CRKL: variants seen among roughly 807,000 people sequenced by gnomAD.
The protein encoded by CRKL is crk-like protein.
A neutral mutation model predicts 23.0 loss-of-function variants in CRKL; 3 were observed. The ratio of observed to expected loss-of-function variants is 0.13; its 90% CI spans 0.06 to 0.34. The LOEUF is 0.34. Among genes scored for constraint, CRKL ranks in the 10% least tolerant of loss-of-function variants. The pLI is 1.00. For synonymous variants in CRKL, 188 were observed against 160.7 expected, an observed-to-expected ratio of 1.17 and a Z score of -1.28; for missense variants, 256 against 394.5, an observed-to-expected ratio of 0.65 and a Z score of 2.97.
chr22:20,940,569 T>A (rs1256991708), intron 2 of CRKL, among the ~76,000 whole-genome samples: 1 of 27,544 alleles, frequency 3.6e-5, no homozygotes, highest in African/African-American at 5.9e-5. Context: ...GGTGCTCCTT[T>A]TTTTTTTTTT....
At chr22:20,926,829 T>C (rs974800232) in intron 1 of CRKL, among the ~76,000 whole-genome samples, 1 of 151,956 alleles carries the variant, frequency 6.6e-6, no homozygotes, top group African/African-American at 2.4e-5. Context: ...TGGTGGTTAC[T>C]GGCTGGACAT....
chr22:20,944,015 A>C (rs1458182466), intron 2 of CRKL, among the ~76,000 whole-genome samples: 1 of 151,362 alleles, frequency 6.6e-6, no homozygotes, highest in Non-Finnish European at 1.5e-5. Context: ...TGTTTTGGCT[A>C]TTCAGGTTCC....
At chr22:20,932,135 G>C (rs886228123) in intron 1 of CRKL, among the ~76,000 whole-genome samples, 1 of 152,096 alleles carries the variant, frequency 6.6e-6, no homozygotes, top group Non-Finnish European at 1.5e-5. Context: ...TTTTGAGACA[G>C]TCTTGTTCTG....
chr22:20,949,563 C>A, intron 2 of CRKL, 148 bp from the exon 3 acceptor site: 1 of 1,084,878 alleles, frequency 9.2e-7, no homozygotes, highest in Non-Finnish European at 1.3e-6. Context: ...GATCTCACCA[C>A]TACACTCCAG....
At chr22:20,929,191 G>C (rs1204772839) in intron 1 of CRKL, among the ~76,000 whole-genome samples, 1 of 152,066 alleles carries the variant, frequency 6.6e-6, no homozygotes, top group Non-Finnish European at 1.5e-5. Context: ...TTGAGTCGGA[G>C]TCTCACTCTG....
In CRKL at chr22:20,919,226, A is replaced by C. The variant is rs1257754185; in HGVS notation, c.311+981A>C. ...CTTTTATAGTACGTTAATTACAAAG[A>C]TAAGAGAAGGTGCATTGGCTTCAGC... On this transcript the variant is annotated intron_variant, in intron 1 of 2. Coordinates refer to ENST00000354336, the MANE Select transcript of CRKL (RefSeq NM_005207.4). Among the ~76,000 whole-genome samples the C allele has an allele frequency of 6.6e-5, 10 of 152,192 alleles. No homozygotes were observed. The East Asian group carries it at 1.9e-3, about 29-fold the overall frequency.
intron 1 of CRKL, among the ~76,000 whole-genome samples, chr22:20,919,841 G>GA (rs923092395): frequency 2.2e-4 from 32 of 145,826 alleles, no homozygotes; most frequent in South Asian, 4.3e-4. Context: ...GATAGAGATA[G>GA]AAAAAAAAAA....
intron 2 of CRKL, among the ~76,000 whole-genome samples, chr22:20,936,711 C>A (rs1280634814): frequency 3.3e-5 from 5 of 151,978 alleles, no homozygotes; most frequent in Non-Finnish European, 7.4e-5. Context: ...AGGTTTGTTT[C>A]AATGTTTGAT....
At chr22:20,931,216 G>A (rs536641630) in intron 1 of CRKL, among the ~76,000 whole-genome samples, 49 of 152,242 alleles carry the variant, frequency 3.2e-4, no homozygotes, top group African/African-American at 1.2e-3. Context: ...GACAAGCCCT[G>A]AAAACATAGT....
intron 1 of CRKL, among the ~76,000 whole-genome samples, chr22:20,918,727 G>T (rs929167968): frequency 1.3e-5 from 2 of 151,940 alleles, no homozygotes; most frequent in African/African-American, 4.8e-5. Flanking sequence ...GAGTAGCTGG[G>T]ACTACTGGCT....
chr22:20,945,250 C>T (rs1922017518), intron 2 of CRKL, among the ~76,000 whole-genome samples: 1 of 152,120 alleles, frequency 6.6e-6, no homozygotes, highest in South Asian at 2.1e-4. Flanking sequence ...GCCTCGGCCT[C>T]CCAAAGTGCT....
In CRKL at chr22:20,917,455, G is replaced by A. The variant is rs984954472; in HGVS notation, c.-480G>A. 7.8e-5 allele frequency: 18 copies of A among 229,674 alleles called. No individual in the cohort carries two copies. Among genetic ancestry groups the A allele is most frequent in the Admixed American group, 2.3e-4 (4 of 17,636 alleles). The allele number at this position is 229,674 out of a possible 1,614,324, so 14.2% of individuals were successfully genotyped here. ...GGGGGAGGTGGCTGCCGCTTCTCCC[G>A]CGTCCGCCATTTTGTTGCTGTGGCT... is the stretch of plus-strand genomic sequence containing the variant. On this transcript the variant is annotated 5_prime_UTR_variant, in exon 1 of 3. Coordinates refer to ENST00000354336, the MANE Select transcript of CRKL (RefSeq NM_005207.4).
rs373772260 is a variant in CRKL at position 20,921,874 on chromosome 22, AATTTTTTGT to A, written c.311+3636_311+3644del. Among the ~76,000 whole-genome samples the A allele has an allele frequency of 2.8e-3, 416 of 151,248 alleles. 1 individual carries two copies. The highest frequency in any genetic ancestry group is 9.5e-3 in the African/African-American group (390 of 41,174). On this transcript the variant is annotated intron_variant, in intron 1 of 2. Transcript: ENST00000354336. ...CAGGCGCCTGCAACCATGCCGGGCAAATTTTTTGTATTTTTAGTGGAGACGGGGTTTCAC... is the reference window on the plus strand; with the variant it reads ...CAGGCGCCTGCAACCATGCCGGGCAAATTTTTAGTGGAGACGGGGTTTCAC...
chr22:20,939,376 G>A (rs1297161947), intron 2 of CRKL, among the ~76,000 whole-genome samples: 1 of 150,698 alleles, frequency 6.6e-6, no homozygotes, highest in African/African-American at 2.4e-5. Context: ...GAGTAGCTGG[G>A]ACTACAGGCA....
chr22:20,940,391 T>A (rs971002574), intron 2 of CRKL, among the ~76,000 whole-genome samples: 4 of 152,118 alleles, frequency 2.6e-5, no homozygotes, highest in Non-Finnish European at 4.4e-5. Flanking sequence ...CTGTTTTACA[T>A]TTTATGGAAT....
chr22:20,924,452 A>G (rs1240263208), intron 1 of CRKL, among the ~76,000 whole-genome samples: 1 of 152,222 alleles, frequency 6.6e-6, no homozygotes, highest in Non-Finnish European at 1.5e-5. Context: ...TGGAATGGGG[A>G]AAGGATTGCC....
intron 1 of CRKL, among the ~76,000 whole-genome samples, chr22:20,921,645 A>G (rs930980640): frequency 1.3e-5 from 2 of 152,086 alleles, no homozygotes; most frequent in Admixed American, 1.3e-4. Context: ...TTTAGGGAAA[A>G]GCTTATGTAG....
rs183233657 is a variant in CRKL at position 20,946,715 on chromosome 22, C to G, written c.778-2996C>G. 4.0e-5 allele frequency among the ~76,000 whole-genome samples: 3 copies of G among 74,518 alleles called. No individual in the cohort carries two copies. The East Asian group carries it at 1.9e-3, about 47-fold the overall frequency. 48.9% of individuals were successfully genotyped at this position (74,518 alleles called of 152,430 possible). ...AGTTTCTCTGAAGGTGTAGAGCACC[C>G]CTCCCTCCAAAAAAAAAAAACAGAT... is the stretch of plus-strand genomic sequence containing the variant. On this transcript the variant is annotated intron_variant, in intron 2 of 2. Transcript: ENST00000354336.
chr22:20,940,794 C>T (rs1921844464), intron 2 of CRKL, among the ~76,000 whole-genome samples: 1 of 151,958 alleles, frequency 6.6e-6, no homozygotes, highest in Non-Finnish European at 1.5e-5. Context: ...TCCCAAGGGC[C>T]CATGGTACAA....
Sources: gnomAD v4.1 joint callset for allele counts (sites outside exome capture counted in the v4.1 genomes callset) on GRCh38, gnomAD v4.1.1 for gene constraint, MANE v1.5 for transcripts, NCBI Gene and HGNC (gene_info 2026-07-23, HGNC 2026-07-21) for gene names.